TMEM272: variants seen among roughly 807,000 people sequenced by gnomAD.
TMEM272 encodes the protein long intergenic non-protein coding RNA 282.
In TMEM272, 8 loss-of-function variants were observed where a neutral mutation model predicts 3.7. The ratio of observed to expected loss-of-function variants is 2.17; its 90% confidence interval spans 1.27 to 3.91. The LOEUF is 3.91. Ranked by LOEUF, TMEM272 falls within the 30% of genes most tolerant of loss-of-function variation. The probability of loss-of-function intolerance (pLI) is 0.00; values close to 1 mark genes in which losing one functional copy is unlikely to be tolerated. For missense variants in TMEM272, 166 were observed against 91.5 expected, an observed-to-expected ratio of 1.81 and a Z score of -3.32; for synonymous variants, 63 against 39.8, an observed-to-expected ratio of 1.58 and a Z score of -2.20.
chr13:51,864,335 C>T, the TMEM272 span, among the ~76,000 whole-genome samples: 3 of 152,208 alleles, frequency 2.0e-5, no homozygotes, highest in Admixed American at 2.0e-4. Context: ...TTAGTCTCAC[C>T]TCCTCATCCC....
chr13:51,827,370 G>A (rs1281094368), intron 2 of TMEM272, among the ~76,000 whole-genome samples: 4 of 152,212 alleles, frequency 2.6e-5, no homozygotes, highest in African/African-American at 9.7e-5. Flanking sequence ...TCTGTAAAAG[G>A]TGGTGACAGA....
chr13:51,834,095 A>T (rs1956195424), intron 2 of TMEM272, among the ~76,000 whole-genome samples: 1 of 152,210 alleles, frequency 6.6e-6, no homozygotes, highest in Non-Finnish European at 1.5e-5. Flanking sequence ...TGCTGACCTG[A>T]TAGCAAGGAC....
At chr13:51,895,013 C>G in the TMEM272 span, among the ~76,000 whole-genome samples, 1 of 152,030 alleles carries the variant, frequency 6.6e-6, no homozygotes, top group East Asian at 1.9e-4. Flanking sequence ...AGGGTTCATG[C>G]TCCTATGAGA....
At chr13:51,833,719 C>T (rs1292549752) in intron 2 of TMEM272, among the ~76,000 whole-genome samples, 1 of 152,184 alleles carries the variant, frequency 6.6e-6, no homozygotes, top group Admixed American at 6.5e-5. Flanking sequence ...GTTTCTAAAA[C>T]CACCTCCACT....
chr13:51,931,862 C>A, the TMEM272 span, among the ~76,000 whole-genome samples: 3 of 152,050 alleles, frequency 2.0e-5, no homozygotes, highest in African/African-American at 7.3e-5. Flanking sequence ...GAGATAATCA[C>A]CTCAATGATT....
the TMEM272 span, chr13:51,921,437 C>A: frequency 6.6e-6 from 1 of 152,280 alleles, no homozygotes; most frequent in Non-Finnish European, 1.5e-5. Context: ...GAAGGCTGCT[C>A]ATCCCAGCCT....
chr13:51,833,078 G>A (rs1746275505), intron 2 of TMEM272, among the ~76,000 whole-genome samples: 1 of 152,150 alleles, frequency 6.6e-6, no homozygotes, highest in Non-Finnish European at 1.5e-5. Flanking sequence ...GGATGGGTAG[G>A]ATTTTTGACG....
the TMEM272 span, among the ~76,000 whole-genome samples, chr13:51,928,566 A>G: frequency 4.3e-4 from 65 of 152,324 alleles, no homozygotes; most frequent in African/African-American, 1.4e-3. Flanking sequence ...GCCTGTGACC[A>G]CTGCGTACCT....
At chr13:51,894,359 C>T in the TMEM272 span, among the ~76,000 whole-genome samples, 4 of 152,154 alleles carry the variant, frequency 2.6e-5, no homozygotes, top group Non-Finnish European at 4.4e-5. Context: ...GACATCAGCA[C>T]AGGAAATACC....
chr13:51,837,467 G>C (rs977843250), intron 2 of TMEM272, among the ~76,000 whole-genome samples: 1 of 152,226 alleles, frequency 6.6e-6, no homozygotes, highest in Non-Finnish European at 1.5e-5. Flanking sequence ...GTGTGCTCCA[G>C]GGATGAAAGG....
chr13:51,903,019 G>C, the TMEM272 span, among the ~76,000 whole-genome samples: 3 of 152,128 alleles, frequency 2.0e-5, no homozygotes, highest in Non-Finnish European at 4.4e-5. Context: ...AAGGGGCCCT[G>C]GGCAAGGCAC....
At chr13:51,854,264 C>T in the TMEM272 span, among the ~76,000 whole-genome samples, 58 of 152,318 alleles carry the variant, frequency 3.8e-4, no homozygotes, top group African/African-American at 1.4e-3. Context: ...ATAGCAAACA[C>T]TTTATGAACT....
In TMEM272 at chr13:51,835,590, A is replaced by T. The variant is rs571413476; in HGVS notation, c.58+2883T>A. 3.3e-5 allele frequency among the ~76,000 whole-genome samples: 5 copies of T among 152,368 alleles called. No homozygotes were observed. In the East Asian group the frequency reaches 9.6e-4, roughly 29 times the overall value. The stretch of plus-strand genomic sequence containing the variant: ...GGAAATGTGGAAAATGTAGAAAACC[A>T]GAAAGAAGTAAATTTAGAAGTCATT... On this transcript the variant is annotated intron_variant, in intron 2 of 4. Coordinates refer to ENST00000629372, the MANE Select transcript of TMEM272 (RefSeq NM_001351003.2).
At chr13:51,927,939 G>GTT in the TMEM272 span, among the ~76,000 whole-genome samples, 4 of 152,150 alleles carry the variant, frequency 2.6e-5, no homozygotes, top group African/African-American at 9.7e-5. Flanking sequence ...GCCCAGAATG[G>GTT]TGAGTGACTT....
the TMEM272 span, among the ~76,000 whole-genome samples, chr13:51,894,915 G>C: frequency 6.6e-6 from 1 of 151,964 alleles, no homozygotes; most frequent in South Asian, 2.1e-4. Context: ...TCCCATCTGG[G>C]GGTCATGGGA....
At chr13:51,891,600 C>T in the TMEM272 span, among the ~76,000 whole-genome samples, 1 of 152,220 alleles carries the variant, frequency 6.6e-6, no homozygotes, top group Non-Finnish European at 1.5e-5. Context: ...CTATGCCCAA[C>T]TGAAGCACAG....
the TMEM272 span, among the ~76,000 whole-genome samples, chr13:51,905,431 T>C: frequency 6.6e-6 from 1 of 152,116 alleles, no homozygotes; most frequent in African/African-American, 2.4e-5. Flanking sequence ...GCCCTCTCAT[T>C]TGGAGAGCAC....
chr13:51,930,315 T>G, the TMEM272 span: 1 of 152,240 alleles, frequency 6.6e-6, no homozygotes, highest in African/African-American at 2.4e-5. Context: ...CTGAATAAAG[T>G]AGATTCTGGG....
intron 2 of TMEM272, among the ~76,000 whole-genome samples, chr13:51,837,998 C>T (rs1020845997): frequency 1.3e-4 from 20 of 152,190 alleles, no homozygotes; most frequent in African/African-American, 4.3e-4. Context: ...TTGGGATATT[C>T]CAAACACAAG....
Sources: gnomAD v4.1 joint callset for allele counts (sites outside exome capture counted in the v4.1 genomes callset) on GRCh38, gnomAD v4.1.1 for gene constraint, MANE v1.5 for transcripts, NCBI Gene and HGNC (gene_info 2026-07-23, HGNC 2026-07-21) for gene names.